The following ASB7 variants were observed in gnomAD, a reference collection of about 807,000 sequenced individuals.
ASB7 encodes the protein ankyrin repeat and SOCS box protein 7.
In ASB7, 4 loss-of-function variants were observed where a neutral mutation model predicts 32.5. The ratio of observed to expected loss-of-function variants is 0.12; its 90% CI spans 0.06 to 0.28. The LOEUF (loss-of-function observed/expected upper bound fraction) is 0.28. Ranked by LOEUF, ASB7 falls within the 10% of genes least tolerant of loss-of-function variation. The probability of loss-of-function intolerance (pLI) is 1.00; values close to 1 mark genes in which losing one functional copy is unlikely to be tolerated. For missense variants in ASB7, 181 were observed against 407.1 expected, an observed-to-expected ratio of 0.44 and a Z score of 4.78; for synonymous variants, 172 against 155.6, an observed-to-expected ratio of 1.11 and a Z score of -0.78.
intron 4 of ASB7, among the ~76,000 whole-genome samples, chr15:100,627,881 CTT>C (rs1436520604): frequency 6.6e-6 from 1 of 152,170 alleles, no homozygotes; most frequent in Non-Finnish European, 1.5e-5. Flanking sequence ...TCACGCCTGA[CTT>C]TGAACTTCTG....
chr15:100,648,121 T>C (rs2040008716), intron 5 of ASB7, among the ~76,000 whole-genome samples: 1 of 152,176 alleles, frequency 6.6e-6, no homozygotes, highest in Non-Finnish European at 1.5e-5. Flanking sequence ...GAGTTGAAAA[T>C]ATCCACCATC....
chr15:100,603,189 C>G, intron 1 of ASB7, 26 bp from the exon 2 acceptor site: 1 of 390,366 alleles, frequency 2.6e-6, no homozygotes. Flanking sequence ...AGACACTACA[C>G]CACTCACTGG....
At chr15:100,636,821 A>G (rs2039926712) in intron 5 of ASB7, among the ~76,000 whole-genome samples, 1 of 151,898 alleles carries the variant, frequency 6.6e-6, no homozygotes, top group Non-Finnish European at 1.5e-5. Context: ...GCTTCTCAAG[A>G]TTGTTTTAGG....
intron 4 of ASB7, among the ~76,000 whole-genome samples, chr15:100,620,678 C>T (rs971742600): frequency 2.0e-5 from 3 of 152,100 alleles, no homozygotes; most frequent in African/African-American, 4.8e-5. Flanking sequence ...CTGTTAGAAT[C>T]GTGATGGAAG....
chr15:100,615,170 T>G, intron 4 of ASB7, among the ~76,000 whole-genome samples: 1 of 152,200 alleles, frequency 6.6e-6, no homozygotes, highest in East Asian at 1.9e-4. Flanking sequence ...CATTTTATGG[T>G]GTTCACACAA....
chr15:100,617,482 CCCATCA>C (rs746596007), intron 4 of ASB7, among the ~76,000 whole-genome samples: 3 of 152,190 alleles, frequency 2.0e-5, no homozygotes, highest in Non-Finnish European at 4.4e-5. Context: ...CCACCCCTGC[CCCATCA>C]CCTTGCTCTG....
rs1209432110 is a variant in ASB7 at position 100,629,516 on chromosome 15, A to G, written c.291A>G (p.Ala97=). 2 of 1,614,114 alleles carry G rather than the reference A, an allele frequency of 1.2e-6. No homozygotes were observed. The highest frequency in any genetic ancestry group is 1.7e-6 in the Non-Finnish European group (2 of 1,179,964). ...YAAMHGRARI[A]RLMLESEYRS... Reference sequence around the variant, plus strand: ...CCATGCATGGCCGGGCCCGCATTGCACGCTTGATGTTAGAATCTGAATACA... The same window carrying G: ...CCATGCATGGCCGGGCCCGCATTGCGCGCTTGATGTTAGAATCTGAATACA... The change falls in exon 5 of 6, where the codon GCA becomes GCG. Residue 97 remains alanine (A), a synonymous_variant. Coordinates refer to ENST00000332783, the MANE Select transcript of ASB7 (RefSeq NM_198243.3). The surrounding 1 kb of genome is among the most constrained non-coding windows in gnomAD (Gnocchi z 6.8).
At chr15:100,610,845 A>G (rs1338249642) in intron 3 of ASB7, among the ~76,000 whole-genome samples, 1 of 152,224 alleles carries the variant, frequency 6.6e-6, no homozygotes, top group African/African-American at 2.4e-5. Context: ...CAAAGGGACT[A>G]CTAGTTAAGA....
At chr15:100,610,127 A>G (rs2039682094) in intron 3 of ASB7, among the ~76,000 whole-genome samples, 1 of 152,234 alleles carries the variant, frequency 6.6e-6, no homozygotes, top group African/African-American at 2.4e-5. Context: ...GCAAAAACCT[A>G]TTCTGAAAGG....
chr15:100,632,310 G>T (rs1261811301), intron 5 of ASB7, among the ~76,000 whole-genome samples: 1 of 152,138 alleles, frequency 6.6e-6, no homozygotes, highest in Non-Finnish European at 1.5e-5. Flanking sequence ...CTGAGTGCAG[G>T]GTCCTCCGTC....
chr15:100,612,476 A>G (rs2039705487), intron 4 of ASB7, 49 bp downstream of exon 4: 1 of 1,503,574 alleles, frequency 6.7e-7, no homozygotes, highest in Non-Finnish European at 9.3e-7. Flanking sequence ...AACATAAATG[A>G]TGTTTAGTTT....
intron 1 of ASB7, 69 bp from the exon 2 acceptor site, chr15:100,603,146 C>T (rs12911304): frequency 8.3e-4 from 327 of 392,288 alleles, no homozygotes; most frequent in Non-Finnish European, 1.2e-3. Flanking sequence ...CACTCTCCAG[C>T]CCCTTTCCTG....
At chr15:100,632,845 T>C (rs889746002) in intron 5 of ASB7, among the ~76,000 whole-genome samples, 1 of 130,732 alleles carries the variant, frequency 7.6e-6, no homozygotes, top group African/African-American at 3.0e-5. Context: ...AAAACTCTGA[T>C]CTATATAGTG....
chr15:100,633,571 C>G (rs539566444), intron 5 of ASB7, among the ~76,000 whole-genome samples: 1 of 144,488 alleles, frequency 6.9e-6, no homozygotes, highest in South Asian at 2.2e-4. Flanking sequence ...GAGTGAAACT[C>G]TCTCAAGAAA....
intron 3 of ASB7, among the ~76,000 whole-genome samples, chr15:100,611,513 T>G (rs1403047755): frequency 7.7e-6 from 1 of 130,486 alleles, no homozygotes; most frequent in African/African-American, 2.7e-5. Context: ...AGAATTTCAC[T>G]CTCTTGCCCA....
intron 4 of ASB7, among the ~76,000 whole-genome samples, chr15:100,621,305 A>T (rs1274087101): frequency 6.6e-6 from 1 of 152,180 alleles, no homozygotes; most frequent in Non-Finnish European, 1.5e-5. Flanking sequence ...CAAAAGTTTC[A>T]CCTTTCCGAA....
chr15:100,643,681 G>T (rs1180210569), intron 5 of ASB7, among the ~76,000 whole-genome samples: 1 of 150,732 alleles, frequency 6.6e-6, no homozygotes, highest in Non-Finnish European at 1.5e-5. Context: ...TTTTAGTAGA[G>T]ACGGGGTTTC....
At chr15:100,647,549 A>C (rs2040004853) in intron 5 of ASB7, among the ~76,000 whole-genome samples, 1 of 152,226 alleles carries the variant, frequency 6.6e-6, no homozygotes, top group African/African-American at 2.4e-5. Flanking sequence ...AAAATATTCC[A>C]AAGGGAAAGA....
At chr15:100,643,441 C>A (rs547745488) in intron 5 of ASB7, among the ~76,000 whole-genome samples, 1 of 151,528 alleles carries the variant, frequency 6.6e-6, no homozygotes, top group East Asian at 1.9e-4. Flanking sequence ...ATCAGCAGAT[C>A]CCCCATTCCA....
Sources: allele counts gnomAD v4.1 joint callset (sites outside exome capture counted in the v4.1 genomes callset), GRCh38; gene constraint gnomAD v4.1.1; non-coding constraint Gnocchi (gnomAD v3.1); transcripts MANE v1.5; gene names NCBI Gene and HGNC (gene_info 2026-07-23, HGNC 2026-07-21).